Variants in NOX5 observed in about 807,000 individuals in gnomAD.
NOX5 encodes the protein NADPH oxidase 5.
In NOX5, 76 loss-of-function variants were observed where a neutral mutation model predicts 85.7. That is an observed-to-expected ratio of 0.89 (90% CI 0.74 to 1.07). The LOEUF (loss-of-function observed/expected upper bound fraction) is 1.07, where lower values mean the gene tolerates loss of function less well. Among genes scored for constraint, NOX5 ranks in the 50% least tolerant of loss-of-function variants. The pLI, the probability that NOX5 is intolerant of heterozygous loss-of-function variation, is 0.00. For synonymous variants in NOX5, 405 were observed against 401.4 expected (o/e 1.01, Z -0.11); for missense variants, 973 against 999.5 (o/e 0.97, Z 0.36).
intron 5 of NOX5, among the ~76,000 whole-genome samples, chr15:69,034,566 T>C (rs773091185): frequency 6.6e-6 from 1 of 152,220 alleles, no homozygotes; most frequent in East Asian, 1.9e-4. Context: ...AGTCAAATAC[T>C]GTAACCTACA....
Position 69,031,710 on chromosome 15 carries a change from T to C in NOX5, c.518T>C (p.Leu173Pro), listed in dbSNP as rs1392202015. 4 of 1,613,214 alleles carry C rather than the reference T, an allele frequency of 2.5e-6. No individual in the cohort carries two copies. The Admixed American group carries it at 6.7e-5, about 27-fold the overall frequency. Residue 173 changes from leucine (L) to proline (P), a missense_variant, in exon 4 of 16, where the codon CTC (leucine) becomes CCC (proline). Coordinates refer to ENST00000388866, the MANE Select transcript of NOX5 (RefSeq NM_024505.4). ...AAGCTGGACCAGCTGACGCTGGCGC[T>C]CTTCGAATCGGCCGACGCGGACGGC... ...DEKLDQLTLALFESADADGNG... is the reference protein window; with the variant it reads ...DEKLDQLTLAPFESADADGNG...
At chr15:69,032,914 C>T in intron 4 of NOX5, 129 bp from the exon 5 acceptor site, 2 of 1,293,332 alleles carry the variant, frequency 1.5e-6, no homozygotes, top group Non-Finnish European at 2.1e-6. Context: ...CTCTCTGTTT[C>T]CTGGTGTGAA....
chr15:69,019,029 A>G (rs2050266303), intron 1 of NOX5, among the ~76,000 whole-genome samples: 1 of 152,090 alleles, frequency 6.6e-6, no homozygotes. Flanking sequence ...TGCCTGGCTA[A>G]TTTTTTAAAT....
intron 8 of NOX5, 22 bp from the exon 9 acceptor site, chr15:69,038,835 A>C: frequency 6.2e-7 from 1 of 1,614,094 alleles, no homozygotes; most frequent in Non-Finnish European, 8.5e-7. Flanking sequence ...GGAATGATGC[A>C]GATCTCCTTC....
At chr15:69,016,992 G>T (rs2050239172) in intron 1 of NOX5, among the ~76,000 whole-genome samples, 1 of 152,078 alleles carries the variant, frequency 6.6e-6, no homozygotes, top group African/African-American at 2.4e-5. Flanking sequence ...CTCCTCCCTT[G>T]TGGGATTACT....
intron 8 of NOX5, 128 bp from the exon 9 acceptor site, chr15:69,038,729 A>G (rs906144944): frequency 4.7e-6 from 6 of 1,286,008 alleles, no homozygotes; most frequent in Non-Finnish European, 6.6e-6. Context: ...AGCACAGAAG[A>G]GTGTCATGTC....
chr15:69,047,017 A>G, intron 11 of NOX5, 151 bp downstream of exon 11: 2 of 730,000 alleles, frequency 2.7e-6, no homozygotes, highest in Non-Finnish European at 2.3e-6. Context: ...GGGTCATGTA[A>G]CCACATCCCT....
Position 69,047,448 on chromosome 15 carries a change from C to T in NOX5, c.1728C>T (p.Arg576=), listed in dbSNP as rs769637052. The part of the protein sequence containing the change: ...YIDGPYGTPT[R]RIFASEHAVL... Reference sequence around the variant, plus strand: ...ATGGGCCTTATGGGACCCCCACCCGCAGGATCTTTGCCTCTGAGCATGCCG... The same window carrying T: ...ATGGGCCTTATGGGACCCCCACCCGTAGGATCTTTGCCTCTGAGCATGCCG... The change falls in exon 12 of 16, where the codon CGC becomes CGT. Residue 576 remains arginine, a synonymous_variant. Transcript: ENST00000388866. 4.3e-6 allele frequency: 7 copies of T among 1,613,862 alleles called. No homozygotes were observed. Among genetic ancestry groups the T allele is most frequent in the Non-Finnish European group, 4.2e-6 (5 of 1,179,974 alleles).
At position 69,056,994 on chromosome 15, in the gene NOX5, A is replaced by C. The variant is rs2140286172; in HGVS notation, c.*298A>C. On this transcript the variant is annotated 3_prime_UTR_variant, in exon 16 of 16. Transcript: ENST00000388866. Reference sequence around the variant, plus strand: ...TTGGGGGTGGGGTTCGAGGGGGCAGAGGGCAACCACTCCTCCAAACATTTT... The same window carrying C: ...TTGGGGGTGGGGTTCGAGGGGGCAGCGGGCAACCACTCCTCCAAACATTTT... 1 of 241,484 alleles carries C rather than the reference A, an allele frequency of 4.1e-6. No homozygotes were observed. The highest frequency in any genetic ancestry group is 1.1e-4 in the South Asian group (1 of 9,418). The allele number at this position is 241,484 out of a possible 1,614,324, so 15.0% of individuals were successfully genotyped here. A position where few individuals can be genotyped will look rare whatever the true frequency, so the allele number is the denominator to read the frequency against.
intron 14 of NOX5, among the ~76,000 whole-genome samples, chr15:69,049,632 A>G (rs1308186270): frequency 6.6e-6 from 1 of 151,872 alleles, no homozygotes; most frequent in African/African-American, 2.4e-5. Context: ...ATATTTCTTT[A>G]TTTTTGTAAT....
chr15:69,028,609 AG>A (rs1259407319), intron 3 of NOX5: 3 of 354,328 alleles, frequency 8.5e-6, no homozygotes, highest in African/African-American at 6.3e-5. Flanking sequence ...ACTCTGGCAC[AG>A]GAGACAAATG....
In NOX5 at chr15:69,037,009, G is replaced by A; in HGVS notation, c.1189-19G>A. 1.2e-6 allele frequency: 2 copies of A among 1,609,170 alleles called. No individual in the cohort carries two copies. Among genetic ancestry groups the A allele is most frequent in the South Asian group, 2.2e-5 (2 of 90,686 alleles). ...AGGCCTTGAGCTCTGGAAGTTGACT[G>A]CCCCCCCTACCCCCATAGGTGTTCT... is the stretch of plus-strand genomic sequence containing the variant. On this transcript the variant is annotated intron_variant, in intron 7 of 15. Coordinates refer to ENST00000388866, the MANE Select transcript of NOX5 (RefSeq NM_024505.4).
rs538722645 is a variant in NOX5 at position 69,035,279 on chromosome 15, C to T, written c.856-75C>T. 1.6e-3 allele frequency: 2,386 copies of T among 1,499,728 alleles called. 4 individuals carry two copies. The highest frequency in any genetic ancestry group is 2.0e-3 in the Non-Finnish European group (2,263 of 1,105,994). 92.9% of individuals were successfully genotyped at this position (1,499,728 alleles called of 1,614,324 possible). On this transcript the variant is annotated intron_variant, in intron 5 of 15. Transcript: ENST00000388866. ...AAAGCACAGCTAGCTCAGGAGGATG[C>T]AGGGAGGTGGCTGGGAAAAGAGGAC...
chr15:69,045,576 T>TCTTTCTTTTTCTTTCTTTCTTCC (rs2140274651), intron 10 of NOX5, among the ~76,000 whole-genome samples: 1 of 129,146 alleles, frequency 7.7e-6, no homozygotes, highest in African/African-American at 2.9e-5. Flanking sequence ...TTCTTCCCTT[T>TCTTTCTTTTTCTTTCTTTCTTCC]CTTTCTTTTC....
Position 69,028,220 on chromosome 15 carries a change from C to G in NOX5, c.180C>G (p.Phe60Leu). 1.2e-6 allele frequency: 2 copies of G among 1,602,156 alleles called. No individual in the cohort carries two copies. Among genetic ancestry groups the G allele is most frequent in the Non-Finnish European group, 1.7e-6 (2 of 1,174,276 alleles). Residue 60 changes from phenylalanine to leucine, a missense_variant, in exon 3 of 16, where the codon TTC (phenylalanine) becomes TTG (leucine). By Grantham distance (22) the Phe-to-Leu change is conservative (BLOSUM62 0). Coordinates refer to ENST00000388866, the MANE Select transcript of NOX5 (RefSeq NM_024505.4). Reference protein sequence around the residue: ...FKAALHVKESFFAERFFALFD... With the variant: ...FKAALHVKESLFAERFFALFD... ...TCCACCCTTCTCGCCCACAGTCCTTCTTTGCAGAGCGATTCTTTGCCCTAT... is the reference window on the plus strand; with the variant it reads ...TCCACCCTTCTCGCCCACAGTCCTTGTTTGCAGAGCGATTCTTTGCCCTAT...
At chr15:69,033,692 CTTTTTTTTCTTTT>C (rs1161002119) in intron 5 of NOX5, among the ~76,000 whole-genome samples, 2 of 136,358 alleles carry the variant, frequency 1.5e-5, no homozygotes, top group African/African-American at 5.7e-5. Flanking sequence ...TTTTTTCTTT[CTTTTTTTTCTTTT>C]TTTTTTTTTT....
At chr15:69,048,903 A>G in intron 13 of NOX5, 56 bp from the exon 14 acceptor site, 1 of 1,311,894 alleles carries the variant, frequency 7.6e-7, no homozygotes, top group South Asian at 1.3e-5. Context: ...TACAGATGTG[A>G]GCCTCCTGCA....
At chr15:69,028,106 T>C in intron 2 of NOX5, 109 bp from the exon 3 acceptor site, 1 of 1,213,914 alleles carries the variant, frequency 8.2e-7, no homozygotes. Context: ...ACCGCCACTC[T>C]GTGGTGCACC....
rs780952498 is a variant in NOX5, at chr15:69,031,733, G to C, written c.541G>C (p.Gly181Arg). 2.5e-6 allele frequency: 4 copies of C among 1,612,784 alleles called. No homozygotes were observed. The highest frequency in any genetic ancestry group is 1.1e-5 in the South Asian group (1 of 90,982). Residue 181 changes from glycine (G) to arginine (R), a missense_variant, in exon 4 of 16, where the codon GGC (glycine) becomes CGC (arginine). Coordinates refer to ENST00000388866, the MANE Select transcript of NOX5 (RefSeq NM_024505.4). Reference protein sequence around the residue: ...LALFESADADGNGAITFEELR... With the variant: ...LALFESADADRNGAITFEELR... ...GCTCTTCGAATCGGCCGACGCGGAC[G>C]GCAACGGGGCCATCACCTTCGAGGA... is the stretch of plus-strand genomic sequence containing the variant.
Sources: gnomAD v4.1 joint callset for allele counts (sites outside exome capture counted in the v4.1 genomes callset) on GRCh38, gnomAD v4.1.1 for gene constraint, MANE v1.5 for transcripts, NCBI Gene and HGNC (gene_info 2026-07-23, HGNC 2026-07-21) for gene names.